The following PDE4B variants were observed in gnomAD, a reference collection of about 807,000 sequenced individuals.
PDE4B encodes the protein phosphodiesterase 4B, also known as 3',5'-cyclic-AMP phosphodiesterase 4B.
In PDE4B, 20 loss-of-function variants were observed where a neutral mutation model predicts 82.2. The ratio of observed to expected loss-of-function variants is 0.24; its 90% CI spans 0.17 to 0.35. The LOEUF (loss-of-function observed/expected upper bound fraction) is 0.35. Among genes scored for constraint, PDE4B ranks in the 10% least tolerant of loss-of-function variants. PDE4B has a pLI of 1.00. For missense variants in PDE4B, 655 were observed against 907.2 expected (o/e 0.72, Z 3.57); for synonymous variants, 320 against 318.9 (o/e 1.00, Z -0.04).
chr1:66,048,997 C>A (rs1283099399), intron 3 of PDE4B: 1 of 151,934 alleles, frequency 6.6e-6, no homozygotes, highest in African/African-American at 2.4e-5. Context: ...TATGATTTAT[C>A]CAGTAATGCA....
intron 3 of PDE4B, among the ~76,000 whole-genome samples, chr1:65,939,728 A>C (rs1245975656): frequency 6.6e-6 from 1 of 152,162 alleles, no homozygotes; most frequent in East Asian, 1.9e-4. Flanking sequence ...ATTCAAAATA[A>C]GTACTAGTTG....
chr1:66,257,287 G>A (rs1046952980), intron 4 of PDE4B: 6 of 378,824 alleles, frequency 1.6e-5, no homozygotes, highest in South Asian at 1.2e-4. Context: ...GTGTCCCTGT[G>A]AGCAGCCCTC....
At chr1:65,849,070 A>C (rs1436278452) in intron 1 of PDE4B, among the ~76,000 whole-genome samples, 2 of 152,200 alleles carry the variant, frequency 1.3e-5, no homozygotes, top group Non-Finnish European at 2.9e-5. Context: ...TCTAGAGAAC[A>C]TGGGATTAGC....
chr1:66,087,837 G>T (rs1191539316), intron 3 of PDE4B, among the ~76,000 whole-genome samples: 1 of 133,838 alleles, frequency 7.5e-6, no homozygotes, highest in East Asian at 2.2e-4. Flanking sequence ...ATGGACACAG[G>T]AAGGGGAACA....
At chr1:65,937,062 T>C (rs536092016) in intron 3 of PDE4B, among the ~76,000 whole-genome samples, 1 of 152,338 alleles carries the variant, frequency 6.6e-6, no homozygotes, top group South Asian at 2.1e-4. Context: ...GACTCTTTCA[T>C]AAGAAACAGT....
intron 1 of PDE4B, among the ~76,000 whole-genome samples, chr1:65,867,090 T>G (rs1646520475): frequency 3.9e-5 from 6 of 152,154 alleles, no homozygotes; most frequent in Admixed American, 3.9e-4. Flanking sequence ...GGAATAAGAC[T>G]GATAACAAGT....
chr1:66,031,184 A>G (rs1469985210), intron 3 of PDE4B, among the ~76,000 whole-genome samples: 1 of 152,234 alleles, frequency 6.6e-6, no homozygotes, highest in Non-Finnish European at 1.5e-5. Flanking sequence ...CAAAGACTAC[A>G]TTTCCAGGTA....
intron 1 of PDE4B, among the ~76,000 whole-genome samples, chr1:65,889,090 A>G (rs1646824520): frequency 6.6e-6 from 1 of 151,964 alleles, no homozygotes; most frequent in Non-Finnish European, 1.5e-5. Flanking sequence ...TATGGCCCTC[A>G]TTTTGTTGAG....
chr1:65,877,735 C>G (rs1646662775), intron 1 of PDE4B, among the ~76,000 whole-genome samples: 1 of 151,656 alleles, frequency 6.6e-6, no homozygotes, highest in Non-Finnish European at 1.5e-5. Flanking sequence ...AAAATTAACT[C>G]AAGATGGATT....
At chr1:65,951,369 A>G (rs1247638483) in intron 3 of PDE4B, among the ~76,000 whole-genome samples, 2 of 152,050 alleles carry the variant, frequency 1.3e-5, no homozygotes, top group African/African-American at 4.8e-5. Context: ...GGGATGATAC[A>G]AAAGTAATGT....
intron 3 of PDE4B, among the ~76,000 whole-genome samples, chr1:66,026,367 T>C (rs903795775): frequency 1.3e-5 from 2 of 152,212 alleles, no homozygotes; most frequent in Non-Finnish European, 2.9e-5. Flanking sequence ...TTGTGCCTCA[T>C]GTCCTCTATT....
rs564670018 is a variant in PDE4B at position 66,362,158 on chromosome 1, C to A, written c.1020+365C>A. On this transcript the variant is annotated intron_variant, in intron 10 of 16. Coordinates refer to ENST00000341517, the MANE Select transcript of PDE4B (RefSeq NM_002600.4). ...GACAGTTCATTATGAATGAAGAATCCTTCTGAAGAGACATGGGGAAAATCC... is the reference window on the plus strand; with the variant it reads ...GACAGTTCATTATGAATGAAGAATCATTCTGAAGAGACATGGGGAAAATCC... Among the ~76,000 whole-genome samples the A allele has an allele frequency of 3.3e-5, 5 of 152,120 alleles. No homozygotes were observed. The South Asian group carries it at 1.0e-3, about 31-fold the overall frequency.
At chr1:66,273,544 T>G (rs1382418543) in intron 7 of PDE4B, among the ~76,000 whole-genome samples, 1 of 152,274 alleles carries the variant, frequency 6.6e-6, no homozygotes, top group Non-Finnish European at 1.5e-5. Flanking sequence ...CTTCTTGATA[T>G]ACCTTCTGCA....
chr1:66,214,337 C>CT (rs1478319192), intron 3 of PDE4B, among the ~76,000 whole-genome samples: 6 of 151,878 alleles, frequency 4.0e-5, no homozygotes, highest in Non-Finnish European at 7.4e-5. Context: ...TCCCTTCTGG[C>CT]TTTTTTTTCC....
intron 4 of PDE4B, among the ~76,000 whole-genome samples, chr1:66,250,641 G>A (rs1653691924): frequency 6.6e-6 from 1 of 152,188 alleles, no homozygotes; most frequent in South Asian, 2.1e-4. Flanking sequence ...TGTGGCAATA[G>A]TTTGCTGGTT....
At chr1:65,987,594 T>C (rs549675313) in intron 3 of PDE4B, among the ~76,000 whole-genome samples, 30 of 152,224 alleles carry the variant, frequency 2.0e-4, no homozygotes, top group African/African-American at 7.2e-4. Flanking sequence ...TTAAAAGCTA[T>C]GCAATTTTAT....
chr1:66,361,457 A>C (rs1034589457), intron 9 of PDE4B, among the ~76,000 whole-genome samples, 158 bp from the exon 10 acceptor site: 1 of 152,182 alleles, frequency 6.6e-6, no homozygotes, highest in Non-Finnish European at 1.5e-5. Context: ...TTCCCCACTT[A>C]CTTTATAGAA....
chr1:65,824,889 A>G (rs965432314), intron 1 of PDE4B, among the ~76,000 whole-genome samples: 15 of 152,134 alleles, frequency 9.9e-5, no homozygotes, highest in African/African-American at 3.4e-4. Context: ...CTCTCTAGTG[A>G]TGCTACAGAT....
intron 1 of PDE4B, among the ~76,000 whole-genome samples, chr1:65,813,893 CAAAA>C (rs5774766): frequency 6.8e-5 from 7 of 103,358 alleles, no homozygotes; most frequent in South Asian, 3.4e-4. Context: ...GGCACTGCGG[CAAAA>C]AAAAAAAAAA....
Sources: gnomAD v4.1 joint callset for allele counts (sites outside exome capture counted in the v4.1 genomes callset) on GRCh38, gnomAD v4.1.1 for gene constraint, MANE v1.5 for transcripts, NCBI Gene and HGNC (gene_info 2026-07-23, HGNC 2026-07-21) for gene names.